The following PACRG variants were observed in gnomAD, a reference collection of about 807,000 sequenced individuals.
PACRG encodes the protein parkin coregulated.
A neutral mutation model predicts 29.7 loss-of-function variants in PACRG; 29 were observed. That is an observed-to-expected ratio of 0.98 (90% CI 0.73 to 1.33). The LOEUF (loss-of-function observed/expected upper bound fraction) is 1.33, where lower values mean the gene tolerates loss of function less well. Among genes scored for constraint, PACRG ranks in the 40% most tolerant of loss-of-function variants. The probability of loss-of-function intolerance (pLI) is 0.00; values close to 1 mark genes in which losing one functional copy is unlikely to be tolerated. For missense variants in PACRG, 279 were observed against 316.2 expected, an observed-to-expected ratio of 0.88 and a Z score of 0.89; for synonymous variants, 116 against 118.7, an observed-to-expected ratio of 0.98 and a Z score of 0.15.
intron 4 of PACRG, among the ~76,000 whole-genome samples, chr6:163,267,455 A>G (rs1487352299): frequency 6.6e-6 from 1 of 152,242 alleles, no homozygotes; most frequent in Admixed American, 6.5e-5. Context: ...GATCAGTCAT[A>G]TCCAGTGGGA....
chr6:163,057,359 T>C (rs1406728769), intron 2 of PACRG, among the ~76,000 whole-genome samples: 1 of 152,228 alleles, frequency 6.6e-6, no homozygotes, highest in Non-Finnish European at 1.5e-5. Flanking sequence ...TTGGTCTCAT[T>C]ATACTTGGCC....
chr6:162,982,079 A>G (rs35587516), intron 2 of PACRG, among the ~76,000 whole-genome samples: 2,650 of 151,988 alleles, frequency 0.017, 33 homozygotes, highest in Non-Finnish European at 0.028. Context: ...ATTTGTGTGC[A>G]TAAAGGTGTC....
intron 4 of PACRG, among the ~76,000 whole-genome samples, chr6:163,118,964 T>C (rs1358309363): frequency 6.6e-6 from 1 of 152,230 alleles, no homozygotes; most frequent in Non-Finnish European, 1.5e-5. Flanking sequence ...TCCTGTTCTT[T>C]CCTTTACTTG....
In PACRG at chr6:162,782,779, C is replaced by T. The variant is rs193182740; in HGVS notation, c.157-31368C>T. Among the ~76,000 whole-genome samples the T allele has an allele frequency of 6.7e-4, 102 of 151,802 alleles. No homozygotes were observed. In the East Asian group the frequency reaches 0.01, roughly 15 times the overall value. On this transcript the variant is annotated intron_variant, in intron 1 of 4. Transcript: ENST00000366888. ...TTCCTATCCCAAAGTTTGCATAAAT[C>T]AAGAAATTACTTAGTCAAAAGCTTT...
intron 2 of PACRG, among the ~76,000 whole-genome samples, chr6:162,965,769 G>C (rs1800973029): frequency 6.6e-6 from 1 of 152,228 alleles, no homozygotes; most frequent in African/African-American, 2.4e-5. Context: ...GACAGGCCTG[G>C]ATTCAGATAA....
intron 1 of PACRG, among the ~76,000 whole-genome samples, chr6:162,738,211 T>C (rs1252180562): frequency 6.6e-6 from 1 of 152,212 alleles, no homozygotes; most frequent in African/African-American, 2.4e-5. Flanking sequence ...TCGTATATCC[T>C]ATAGATAGAT....
chr6:163,138,689 G>A (rs1478235706), intron 4 of PACRG, among the ~76,000 whole-genome samples: 2 of 152,178 alleles, frequency 1.3e-5, no homozygotes, highest in African/African-American at 2.4e-5. Flanking sequence ...TATGCAGCCT[G>A]GTTCCTAACA....
chr6:163,202,750 T>C (rs909962679), intron 4 of PACRG, among the ~76,000 whole-genome samples: 2 of 152,174 alleles, frequency 1.3e-5, no homozygotes, highest in East Asian at 3.8e-4. Context: ...GTAATAAATA[T>C]GCAATTTTGC....
intron 4 of PACRG, among the ~76,000 whole-genome samples, chr6:163,271,352 G>A (rs1783827309): frequency 1.3e-5 from 2 of 152,186 alleles, no homozygotes; most frequent in Non-Finnish European, 2.9e-5. Context: ...ACAATACTTT[G>A]CATCCTTCAA....
chr6:163,314,788 GA>G (rs749758488), intron 4 of PACRG, 38 bp from the exon 5 acceptor site: 7 of 1,599,054 alleles, frequency 4.4e-6, no homozygotes, highest in Non-Finnish European at 6.0e-6. Flanking sequence ...GGAAATTGCA[GA>G]GAAGTAACTG....
chr6:163,146,443 C>A (rs1777808104), intron 4 of PACRG, among the ~76,000 whole-genome samples: 1 of 152,224 alleles, frequency 6.6e-6, no homozygotes, highest in South Asian at 2.1e-4. Flanking sequence ...CATCTGTCTC[C>A]AAGCTATCTA....
intron 2 of PACRG, chr6:163,046,733 C>CT (rs879645683): frequency 1.3e-5 from 2 of 151,432 alleles, no homozygotes; most frequent in African/African-American, 2.4e-5. Flanking sequence ...ACACACTTTC[C>CT]TTTTTTTTTC....
At chr6:162,885,462 GGTTTTACCATGTTGGCCAT>G (rs1794252986) in intron 2 of PACRG, among the ~76,000 whole-genome samples, 1 of 151,974 alleles carries the variant, frequency 6.6e-6, no homozygotes, top group African/African-American at 2.4e-5. Context: ...GTAGAGATAA[GGTTTTACCATGTTGGCCAT>G]GTTGATCTCG....
chr6:162,825,375 C>T lies in PACRG; in HGVS notation c.291+11094C>T, dbSNP rs115345422. On this transcript the variant is annotated intron_variant, in intron 2 of 4. Coordinates refer to ENST00000366888, the MANE Select transcript of PACRG (RefSeq NM_001080379.2). ...TCCAGCTTTCACATCTCTGCATCTC[C>T]GTTCTCTTATTTTCTATCTTTTTAA... Among the ~76,000 whole-genome samples, 1,362 of 152,236 alleles carry T rather than the reference C, an allele frequency of 8.9e-3. 16 individuals are homozygous for T. The highest frequency in any genetic ancestry group is 0.03 in the African/African-American group (1,256 of 41,546).
At chr6:163,137,022 G>T (rs1816963696) in intron 4 of PACRG, among the ~76,000 whole-genome samples, 2 of 152,284 alleles carry the variant, frequency 1.3e-5, no homozygotes, top group South Asian at 4.1e-4. Flanking sequence ...AGCCATGTTT[G>T]CAAATGCATT....
chr6:162,940,072 A>G (rs1798508558), intron 2 of PACRG, among the ~76,000 whole-genome samples: 1 of 152,196 alleles, frequency 6.6e-6, no homozygotes, highest in Admixed American at 6.5e-5. Flanking sequence ...CTTTTTCTGG[A>G]TCATGGATCA....
At chr6:162,769,997 C>T (rs1440397094) in intron 1 of PACRG, among the ~76,000 whole-genome samples, 2 of 151,980 alleles carry the variant, frequency 1.3e-5, no homozygotes, top group African/African-American at 4.8e-5. Context: ...TAGTGGCCCT[C>T]ATTATTTTTA....
At chr6:162,790,013 G>T (rs543217704) in intron 1 of PACRG, among the ~76,000 whole-genome samples, 12 of 152,150 alleles carry the variant, frequency 7.9e-5, no homozygotes, top group South Asian at 6.2e-4. Context: ...TTTAGAACTA[G>T]ATCTCAAATA....
At chr6:163,314,768 G>C in intron 4 of PACRG, 59 bp from the exon 5 acceptor site, 1 of 1,580,650 alleles carries the variant, frequency 6.3e-7, no homozygotes, top group Non-Finnish European at 8.6e-7. Flanking sequence ...AGACTGTGTA[G>C]GACTTTTCGG....
Sources: allele counts gnomAD v4.1 joint callset (sites outside exome capture counted in the v4.1 genomes callset), GRCh38; gene constraint gnomAD v4.1.1; transcripts MANE v1.5; gene names NCBI Gene and HGNC (gene_info 2026-07-23, HGNC 2026-07-21).